Variants in HCN1 observed in about 807,000 individuals in gnomAD.
HCN1 encodes hyperpolarization activated cyclic nucleotide gated potassium channel 1.
A neutral mutation model predicts 78.9 loss-of-function variants in HCN1; 13 were observed. The observed-to-expected ratio is 0.16, with a 90% CI of 0.11 to 0.26. The LOEUF is 0.26. HCN1 is among the 10% of genes least tolerant of loss of function. HCN1 has a pLI of 1.00. For synonymous variants in HCN1, 552 were observed against 455.5 expected, an observed-to-expected ratio of 1.21 and a Z score of -2.70; for missense variants, 810 against 1,154.3, an observed-to-expected ratio of 0.70 and a Z score of 4.32.
chr5:45,556,897 T>A (rs1175361260), intron 2 of HCN1, among the ~76,000 whole-genome samples: 1 of 151,966 alleles, frequency 6.6e-6, no homozygotes, highest in African/African-American at 2.4e-5. Context: ...GTTCATCTTT[T>A]GGAGATCCTA....
At chr5:45,352,296 G>A (rs985087934) in intron 5 of HCN1, among the ~76,000 whole-genome samples, 9 of 151,212 alleles carry the variant, frequency 6.0e-5, no homozygotes, top group Admixed American at 4.0e-4. Context: ...AACACCGCAT[G>A]TTCTCACTCA....
intron 2 of HCN1, among the ~76,000 whole-genome samples, chr5:45,504,634 C>T (rs1223634334): frequency 1.3e-5 from 2 of 152,222 alleles, no homozygotes; most frequent in Non-Finnish European, 2.9e-5. Context: ...ATGGCTGGGT[C>T]AAATGGTATT....
In HCN1 at chr5:45,645,178, A is replaced by G; in HGVS notation, c.849+7T>C. 1 of 1,598,910 alleles carries G rather than the reference A, an allele frequency of 6.3e-7. No homozygotes were observed. The highest frequency in any genetic ancestry group is 8.6e-7 in the Non-Finnish European group (1 of 1,167,388). ...ATAGATTTAAAAAAGAAAAAGATGC[A>G]TCTTACCTCTTCCCATTGATGTATG... On this transcript the variant is annotated splice_region_variant and intron_variant, in intron 2 of 7. Coordinates refer to ENST00000303230, the MANE Select transcript of HCN1 (RefSeq NM_021072.4).
intron 1 of HCN1, among the ~76,000 whole-genome samples, chr5:45,668,535 G>C (rs183198842): frequency 6.6e-6 from 1 of 151,972 alleles, no homozygotes; most frequent in East Asian, 1.9e-4. Flanking sequence ...GTCTCAGGTA[G>C]TATCTTTAAA....
At chr5:45,488,642 A>C (rs961029012) in intron 2 of HCN1, among the ~76,000 whole-genome samples, 2 of 152,160 alleles carry the variant, frequency 1.3e-5, no homozygotes, top group African/African-American at 4.8e-5. Context: ...TGGCTATAGT[A>C]CTTGGAAAAG....
intron 5 of HCN1, among the ~76,000 whole-genome samples, chr5:45,350,435 A>T (rs1370901794): frequency 2.0e-5 from 3 of 152,090 alleles, no homozygotes; most frequent in Non-Finnish European, 4.4e-5. Context: ...GTGGGCAAAA[A>T]CTGGAAGCAT....
Position 45,497,508 on chromosome 5 carries a change from C to G in HCN1, c.850-35501G>C, listed in dbSNP as rs377762655. Among the ~76,000 whole-genome samples, 26 of 152,242 alleles carry G rather than the reference C, an allele frequency of 1.7e-4. No homozygotes were observed. In the Middle Eastern group the frequency reaches 0.01, roughly 60 times the overall value. ...TGTTGGTTTAAAGTCTGTTTTATCA[C>G]AGACTAGGATTGCAACCCCTGCCTT... On this transcript the variant is annotated intron_variant, in intron 2 of 7. Transcript: ENST00000303230.
intron 2 of HCN1, among the ~76,000 whole-genome samples, chr5:45,562,566 A>G (rs923117876): frequency 1.3e-5 from 2 of 152,090 alleles, no homozygotes; most frequent in Non-Finnish European, 2.9e-5. Flanking sequence ...ATAGGCACAC[A>G]CAGAAAGACA....
rs964153157 is a variant in HCN1, at chr5:45,392,553, T to C, written c.1230+3939A>G. 2.6e-5 allele frequency among the ~76,000 whole-genome samples: 4 copies of C among 152,092 alleles called. No individual in the cohort carries two copies. The South Asian group carries it at 8.3e-4, about 32-fold the overall frequency. On this transcript the variant is annotated intron_variant, in intron 4 of 7. Transcript: ENST00000303230. ...AAAGGCCACTAATAGTTATCATATA[T>C]AGGCCAGGCACGGTGGCTCATGCCT...
chr5:45,648,555 A>G (rs1248453174), intron 1 of HCN1, among the ~76,000 whole-genome samples: 1 of 152,142 alleles, frequency 6.6e-6, no homozygotes, highest in Non-Finnish European at 1.5e-5. Context: ...ACAAAAAAAT[A>G]CAATCATCAC....
intron 2 of HCN1, among the ~76,000 whole-genome samples, chr5:45,621,942 C>T (rs554021911): frequency 1.2e-3 from 188 of 152,204 alleles, no homozygotes; most frequent in African/African-American, 4.4e-3. Flanking sequence ...CAACTGTAGA[C>T]GACCAATAGT....
At chr5:45,392,203 C>G (rs1197754940) in intron 4 of HCN1, among the ~76,000 whole-genome samples, 1 of 152,002 alleles carries the variant, frequency 6.6e-6, no homozygotes, top group Non-Finnish European at 1.5e-5. Flanking sequence ...GGTCCCTCAC[C>G]TTTTGTGTCT....
chr5:45,373,315 A>T (rs1318383920), intron 4 of HCN1, among the ~76,000 whole-genome samples: 1 of 121,726 alleles, frequency 8.2e-6, no homozygotes. Flanking sequence ...TACTATATAT[A>T]AAATATATAT....
chr5:45,490,003 A>T (rs1012493297), intron 2 of HCN1, among the ~76,000 whole-genome samples: 6 of 152,180 alleles, frequency 3.9e-5, no homozygotes, highest in African/African-American at 1.2e-4. Flanking sequence ...TTTACTGGGC[A>T]TTCTGTATTT....
intron 3 of HCN1, among the ~76,000 whole-genome samples, chr5:45,447,512 C>T (rs931048279): frequency 1.3e-5 from 2 of 152,016 alleles, no homozygotes; most frequent in Non-Finnish European, 2.9e-5. Context: ...CAAAGTGCTG[C>T]GATTACAGGC....
intron 3 of HCN1, among the ~76,000 whole-genome samples, chr5:45,399,748 A>G (rs1360436086): frequency 6.6e-6 from 1 of 152,154 alleles, no homozygotes; most frequent in Non-Finnish European, 1.5e-5. Flanking sequence ...TTTAGCTGAA[A>G]GGATTGAGGT....
At chr5:45,361,549 T>G (rs568125842) in intron 4 of HCN1, among the ~76,000 whole-genome samples, 1 of 152,326 alleles carries the variant, frequency 6.6e-6, no homozygotes, top group East Asian at 1.9e-4. Flanking sequence ...TGACTTCAGG[T>G]GATCCACCTG....
In HCN1 at chr5:45,262,155, G is replaced by A. The variant is rs1356149824; in HGVS notation, c.2439C>T (p.Ala813=). ...CCGCCGTCACGGGTTGAGGGATGGA[G>A]GCCAGGGACTCGCCCACAGTGGGAT... ...RPHPTVGESL[A]SIPQPVTAVP... Residue 813 remains alanine, a synonymous_variant, in exon 8 of 8, where the codon GCC becomes GCT. Transcript: ENST00000303230. 2 of 1,613,852 alleles carry A rather than the reference G, an allele frequency of 1.2e-6. No individual in the cohort carries two copies. The highest frequency in any genetic ancestry group is 3.3e-4 in the Middle Eastern group (2 of 6,062).
At chr5:45,646,518 C>T (rs548349461) in intron 1 of HCN1, among the ~76,000 whole-genome samples, 4 of 151,534 alleles carry the variant, frequency 2.6e-5, no homozygotes, top group South Asian at 4.2e-4. Flanking sequence ...GCATTACAGG[C>T]GTGCCACCAT....
Sources: gnomAD v4.1 joint callset for allele counts (sites outside exome capture counted in the v4.1 genomes callset) on GRCh38, gnomAD v4.1.1 for gene constraint, MANE v1.5 for transcripts, NCBI Gene and HGNC (gene_info 2026-07-23, HGNC 2026-07-21) for gene names.